Variants in ATP9B observed in about 807,000 individuals in gnomAD.
ATP9B encodes probable phospholipid-transporting ATPase IIB.
A neutral mutation model predicts 146.1 loss-of-function variants in ATP9B; 110 were observed. The ratio of observed to expected loss-of-function variants is 0.75; its 90% CI spans 0.65 to 0.88. The LOEUF (loss-of-function observed/expected upper bound fraction) is 0.88. Ranked by LOEUF, ATP9B falls within the 40% of genes least tolerant of loss-of-function variation. The pLI is 0.00. For synonymous variants in ATP9B, 604 were observed against 569.7 expected, an observed-to-expected ratio of 1.06 and a Z score of -0.86; for missense variants, 1,499 against 1,496.4, an observed-to-expected ratio of 1.00 and a Z score of -0.03.
intron 25 of ATP9B, among the ~76,000 whole-genome samples, chr18:79,348,732 T>C (rs1236571554): frequency 6.6e-6 from 1 of 152,180 alleles, no homozygotes; most frequent in East Asian, 1.9e-4. Flanking sequence ...TCCCAGCACT[T>C]TGGGAGGCTG....
At position 79,158,787 on chromosome 18, in the gene ATP9B, C is replaced by T. The variant is rs149655721; in HGVS notation, c.778+4232C>T. ...GGTATCCTTGAGAATATTCTGTATG[C>T]ACTTGAGGAAAATCTACATTCTGCT... On this transcript the variant is annotated intron_variant, in intron 7 of 29. Transcript: ENST00000426216. Among the ~76,000 whole-genome samples, 427 of 152,272 alleles carry T rather than the reference C, an allele frequency of 2.8e-3. 6 individuals carry two copies. The highest frequency in any genetic ancestry group is 9.6e-3 in the African/African-American group (399 of 41,546).
At chr18:79,201,582 AT>A (rs2095488537) in intron 9 of ATP9B, among the ~76,000 whole-genome samples, 4 of 151,826 alleles carry the variant, frequency 2.6e-5, no homozygotes, top group Admixed American at 6.6e-5. Flanking sequence ...TTACTTCTTT[AT>A]TTTTTGAGAT....
chr18:79,243,505 A>G (rs899966006), intron 11 of ATP9B, among the ~76,000 whole-genome samples: 1 of 152,198 alleles, frequency 6.6e-6, no homozygotes, highest in African/African-American at 2.4e-5. Context: ...AAATCCCCAC[A>G]TATTTACACA....
chr18:79,160,173 G>A (rs983857521), intron 7 of ATP9B, among the ~76,000 whole-genome samples: 2 of 152,032 alleles, frequency 1.3e-5, no homozygotes, highest in African/African-American at 4.8e-5. Context: ...CTATTATAAT[G>A]TACTTAAAAA....
At position 79,329,253 on chromosome 18, in the gene ATP9B, A is replaced by G. The variant is rs1195218346; in HGVS notation, c.1886A>G (p.Gln629Arg). ...SGQVLSFCILQLFPFTSESKR... is the reference protein window; with the variant it reads ...SGQVLSFCILRLFPFTSESKR... ...CAGGTCCTCAGCTTCTGCATTCTGC[A>G]GCTGTTTCCCTTCACCTCCGAGAGC... The change falls in exon 16 of 30, where the codon CAG (glutamine) becomes CGG (arginine). Residue 629 changes from glutamine (Q) to arginine (R), a missense_variant. Gln to Arg is a conservative substitution (Grantham distance 43). Transcript: ENST00000426216. 1.2e-6 allele frequency: 2 copies of G among 1,612,610 alleles called. No homozygotes were observed. Among genetic ancestry groups the G allele is most frequent in the Non-Finnish European group, 1.7e-6 (2 of 1,179,642 alleles).
chr18:79,121,796 A>G (rs2094194269), intron 4 of ATP9B, among the ~76,000 whole-genome samples: 1 of 152,198 alleles, frequency 6.6e-6, no homozygotes. Flanking sequence ...CTTGCCTGTG[A>G]CCAGGATCTT....
At chr18:79,138,851 T>G (rs1384774192) in intron 5 of ATP9B, among the ~76,000 whole-genome samples, 1 of 149,928 alleles carries the variant, frequency 6.7e-6, no homozygotes, top group Non-Finnish European at 1.5e-5. Flanking sequence ...GGTGGATTGC[T>G]TGAGCTCAGG....
intron 15 of ATP9B, among the ~76,000 whole-genome samples, chr18:79,309,429 G>T (rs112134885): frequency 2.7e-5 from 2 of 73,724 alleles, no homozygotes; most frequent in Non-Finnish European, 2.8e-5. Context: ...AAGGTCAGGG[G>T]TGGAGGAGTG....
chr18:79,303,934 C>T (rs532059177), intron 14 of ATP9B, among the ~76,000 whole-genome samples: 3 of 152,242 alleles, frequency 2.0e-5, no homozygotes, highest in Admixed American at 6.5e-5. Context: ...GTGCTGAAGT[C>T]ATTTATTCAT....
chr18:79,134,991 G>C (rs1245405030), intron 5 of ATP9B, among the ~76,000 whole-genome samples: 1 of 152,184 alleles, frequency 6.6e-6, no homozygotes, highest in Non-Finnish European at 1.5e-5. Context: ...TTACACTTAA[G>C]ATGTATACTA....
chr18:79,302,740 C>T (rs775847547), intron 13 of ATP9B, among the ~76,000 whole-genome samples: 3 of 152,176 alleles, frequency 2.0e-5, no homozygotes, highest in Non-Finnish European at 2.9e-5. Flanking sequence ...AAAGAAAAGC[C>T]ATCCTATCTT....
In ATP9B at chr18:79,161,763, G is replaced by A. The variant is rs184171562; in HGVS notation, c.778+7208G>A. 1.8e-3 allele frequency among the ~76,000 whole-genome samples: 274 copies of A among 152,182 alleles called. 2 individuals carry two copies. Among genetic ancestry groups the A allele is most frequent in the African/African-American group, 6.3e-3 (262 of 41,542 alleles). ...TGGGAGGCTGAGGCAGGAGAATGGCGTGAACCCGGGAGGCGGAGCTTGCAG... is the reference window on the plus strand; with the variant it reads ...TGGGAGGCTGAGGCAGGAGAATGGCATGAACCCGGGAGGCGGAGCTTGCAG... On this transcript the variant is annotated intron_variant, in intron 7 of 29. Transcript: ENST00000426216.
intron 26 of ATP9B, among the ~76,000 whole-genome samples, chr18:79,369,774 G>A (rs150412596): frequency 2.1e-3 from 326 of 152,238 alleles, no homozygotes; most frequent in Non-Finnish European, 2.6e-3. Context: ...GTACACATAT[G>A]ACTTTGAGGT....
intron 12 of ATP9B, among the ~76,000 whole-genome samples, chr18:79,276,329 C>G (rs1460670770): frequency 6.6e-6 from 1 of 152,220 alleles, no homozygotes; most frequent in Non-Finnish European, 1.5e-5. Flanking sequence ...GATGACTCAT[C>G]ATATGTGCTT....
intron 8 of ATP9B, among the ~76,000 whole-genome samples, chr18:79,187,318 T>C (rs1334806374): frequency 1.3e-5 from 2 of 152,192 alleles, no homozygotes; most frequent in Non-Finnish European, 2.9e-5. Flanking sequence ...ATAGGGCAAC[T>C]TTGTCATCTC....
intron 13 of ATP9B, among the ~76,000 whole-genome samples, chr18:79,297,028 C>T (rs1461312088): frequency 6.7e-6 from 1 of 149,302 alleles, no homozygotes; most frequent in Non-Finnish European, 1.5e-5. Context: ...AGAGACGACC[C>T]AGAGAGAAGA....
chr18:79,125,139 A>G (rs966456900), intron 4 of ATP9B, among the ~76,000 whole-genome samples: 7 of 152,196 alleles, frequency 4.6e-5, no homozygotes, highest in African/African-American at 1.7e-4. Flanking sequence ...TATACTGGAT[A>G]TGAAAAGGTT....
At chr18:79,210,835 G>A (rs2095577951) in intron 10 of ATP9B, among the ~76,000 whole-genome samples, 1 of 152,140 alleles carries the variant, frequency 6.6e-6, no homozygotes, top group Admixed American at 6.5e-5. Flanking sequence ...GTGTATAATT[G>A]AGAGTCAACA....
chr18:79,320,354 T>C (rs2096708351), intron 15 of ATP9B, among the ~76,000 whole-genome samples: 1 of 151,960 alleles, frequency 6.6e-6, no homozygotes, highest in Non-Finnish European at 1.5e-5. Context: ...AGCACTCTGA[T>C]CAGGTGGTCA....
Sources: gnomAD v4.1 joint callset for allele counts (sites outside exome capture counted in the v4.1 genomes callset) on GRCh38, gnomAD v4.1.1 for gene constraint, MANE v1.5 for transcripts, NCBI Gene and HGNC (gene_info 2026-07-23, HGNC 2026-07-21) for gene names.